Variants in INPP4B observed in about 807,000 individuals in gnomAD.
The protein encoded by INPP4B is inositol polyphosphate-4-phosphatase type II B.
Under a neutral mutation model 122.5 loss-of-function variants are expected in INPP4B, and 55 were observed. The ratio of observed to expected loss-of-function variants is 0.45; its 90% CI spans 0.36 to 0.56. The LOEUF (loss-of-function observed/expected upper bound fraction) is 0.56. INPP4B is among the 20% of genes least tolerant of loss of function. The pLI, the probability that INPP4B is intolerant of heterozygous loss-of-function variation, is 0.00. For synonymous variants in INPP4B, 403 were observed against 388.7 expected (o/e 1.04, Z -0.43); for missense variants, 1,000 against 1,097.7 (o/e 0.91, Z 1.26).
At chr4:142,304,184 T>C (rs1762515600) in intron 9 of INPP4B, among the ~76,000 whole-genome samples, 1 of 152,128 alleles carries the variant, frequency 6.6e-6, no homozygotes, top group South Asian at 2.1e-4. Context: ...TCACATTCAA[T>C]AGTCAGGCTA....
intron 1 of INPP4B, among the ~76,000 whole-genome samples, chr4:142,813,687 T>A (rs1278215844): frequency 6.6e-6 from 1 of 152,142 alleles, no homozygotes; most frequent in African/African-American, 2.4e-5. Context: ...TCTAAAAAGA[T>A]CACAGTGCAA....
chr4:142,084,697 C>CA (rs1254265520), intron 24 of INPP4B, among the ~76,000 whole-genome samples: 1 of 152,028 alleles, frequency 6.6e-6, no homozygotes, highest in South Asian at 2.1e-4. Context: ...ATACACATTT[C>CA]AAAAAAATAT....
rs1797361192 is a variant in INPP4B at position 142,123,349 on chromosome 4, G to C, written c.1960C>G (p.Gln654Glu). 1 of 1,612,824 alleles carries C rather than the reference G, an allele frequency of 6.2e-7. No individual in the cohort carries two copies. Among genetic ancestry groups the C allele is most frequent in the South Asian group, 1.1e-5 (1 of 91,056 alleles). The change falls in exon 20 of 26, where the codon CAG (glutamine) becomes GAG (glutamate). Residue 654 changes from glutamine to glutamate, a missense_variant. Coordinates refer to ENST00000262992, the MANE Select transcript of INPP4B (RefSeq NM_001101669.3). ...ATCAACCCCACTGTGTGAAGCTGCT[G>C]TAGGAAGCCTGGGTCATACAGACTT... ...QTSLYDPGFL[Q>E]QLHTVGLIVQ...
At chr4:142,695,115 T>G (rs1241974377) in intron 2 of INPP4B, among the ~76,000 whole-genome samples, 2 of 152,164 alleles carry the variant, frequency 1.3e-5, no homozygotes, top group African/African-American at 4.8e-5. Flanking sequence ...CTTATTCCCA[T>G]GTAGTAAAAT....
intron 2 of INPP4B, among the ~76,000 whole-genome samples, chr4:142,698,629 A>G (rs980301748): frequency 6.6e-6 from 1 of 152,176 alleles, no homozygotes; most frequent in African/African-American, 2.4e-5. Context: ...CTAAAAACCT[A>G]CTGTGATCTT....
intron 22 of INPP4B, among the ~76,000 whole-genome samples, chr4:142,111,448 G>A (rs1005975882): frequency 1.3e-5 from 2 of 151,428 alleles, no homozygotes; most frequent in Admixed American, 6.6e-5. Flanking sequence ...CCCAGTTCAA[G>A]CGATTCTCCT....
chr4:142,160,505 T>G lies in INPP4B; in HGVS notation c.1416A>C (p.Ala472=). 6.2e-7 allele frequency: 1 copy of G among 1,611,412 alleles called. No homozygotes were observed. Among genetic ancestry groups the G allele is most frequent in the South Asian group, 1.1e-5 (1 of 90,934 alleles). ...TGCCTCCTGGCCTTGCAGTGTAGAG[T>G]GCTAAAAGAGCACTCCTGACAAGTT... is the stretch of plus-strand genomic sequence containing the variant. The part of the protein sequence containing the change: ...KDQLVRSALL[A]LYTARPGGIL... The change falls in exon 17 of 26, where the codon GCA becomes GCC. Residue 472 remains alanine, a synonymous_variant. Coordinates refer to ENST00000262992, the MANE Select transcript of INPP4B (RefSeq NM_001101669.3).
chr4:142,048,614 C>A (rs541764059), intron 25 of INPP4B, among the ~76,000 whole-genome samples: 1 of 151,772 alleles, frequency 6.6e-6, no homozygotes, highest in African/African-American at 2.4e-5. Flanking sequence ...TTTATGTGAA[C>A]TAAGGGTGAA....
intron 7 of INPP4B, chr4:142,317,598 T>C (rs565257737): frequency 3.4e-5 from 6 of 175,712 alleles, no homozygotes; most frequent in South Asian, 1.4e-4. Context: ...CAATTGCCTC[T>C]TTAAATGTAC....
At chr4:142,745,165 A>AT (rs902066160) in intron 1 of INPP4B, among the ~76,000 whole-genome samples, 1 of 151,808 alleles carries the variant, frequency 6.6e-6, no homozygotes, top group Non-Finnish European at 1.5e-5. Context: ...ACACTATAGA[A>AT]TTTTTTAAAA....
intron 1 of INPP4B, among the ~76,000 whole-genome samples, chr4:142,779,195 T>C (rs1317322213): frequency 6.6e-6 from 1 of 152,070 alleles, no homozygotes; most frequent in African/African-American, 2.4e-5. Flanking sequence ...TATTTTTTTC[T>C]GAGAAAATTG....
intron 7 of INPP4B, 59 bp downstream of exon 7, chr4:142,402,879 C>T: frequency 1.2e-6 from 1 of 860,554 alleles, no homozygotes. Flanking sequence ...CACAAAAAAT[C>T]CAATCGTGTG....
At chr4:142,462,562 A>G (rs574153427) in intron 3 of INPP4B, 101 bp downstream of exon 3, 2 of 152,346 alleles carry the variant, frequency 1.3e-5, no homozygotes, top group Admixed American at 6.5e-5. Context: ...AAAACACCTA[A>G]CTGGCATTAT....
At chr4:142,843,697 T>C (rs911174799) in intron 1 of INPP4B, among the ~76,000 whole-genome samples, 4 of 116,278 alleles carry the variant, frequency 3.4e-5, no homozygotes, top group Non-Finnish European at 5.2e-5. Flanking sequence ...TTCCATAATT[T>C]CTTAACTTTT....
chr4:142,798,278 C>A (rs940562168), intron 1 of INPP4B, among the ~76,000 whole-genome samples: 1 of 151,748 alleles, frequency 6.6e-6, no homozygotes, highest in Non-Finnish European at 1.5e-5. Context: ...TACAAGAAAA[C>A]AACACTACTC....
chr4:142,772,025 A>G (rs1343892342), intron 1 of INPP4B, among the ~76,000 whole-genome samples: 1 of 152,174 alleles, frequency 6.6e-6, no homozygotes, highest in Admixed American at 6.5e-5. Flanking sequence ...AAATAAATCA[A>G]GAGTTCTCTG....
At chr4:142,160,601 G>A in intron 16 of INPP4B, 40 bp from the exon 17 acceptor site, 5 of 1,462,132 alleles carry the variant, frequency 3.4e-6, no homozygotes, top group Non-Finnish European at 4.7e-6. Flanking sequence ...ACCTTGGTAG[G>A]CATCTCAGCA....
At chr4:142,660,516 T>TC (rs1754979883) in intron 2 of INPP4B, among the ~76,000 whole-genome samples, 1 of 152,012 alleles carries the variant, frequency 6.6e-6, no homozygotes, top group Admixed American at 6.6e-5. Flanking sequence ...TATGGGACAC[T>TC]CCCCTCAGAT....
At chr4:142,826,433 C>A (rs1781466436) in intron 1 of INPP4B, among the ~76,000 whole-genome samples, 1 of 151,968 alleles carries the variant, frequency 6.6e-6, no homozygotes, top group Admixed American at 6.6e-5. Context: ...AAATCTGAGT[C>A]CCAGTAGGCA....
Sources: allele counts gnomAD v4.1 joint callset (sites outside exome capture counted in the v4.1 genomes callset), GRCh38; gene constraint gnomAD v4.1.1; transcripts MANE v1.5; gene names NCBI Gene and HGNC (gene_info 2026-07-23, HGNC 2026-07-21).